Variants in CCDC178 observed in about 807,000 individuals in gnomAD.
The protein encoded by CCDC178 is coiled-coil domain-containing protein 178.
CCDC178 carries 126 observed loss-of-function variants against 117.4 expected under a neutral mutation model. The observed-to-expected ratio is 1.07, with a 90% CI of 0.93 to 1.24. The LOEUF (loss-of-function observed/expected upper bound fraction) is 1.24. Among genes scored for constraint, CCDC178 ranks in the 50% most tolerant of loss-of-function variants. The pLI is 0.00. For synonymous variants in CCDC178, 283 were observed against 313.4 expected, an observed-to-expected ratio of 0.90 and a Z score of 1.02; for missense variants, 1,030 against 986.9, an observed-to-expected ratio of 1.04 and a Z score of -0.59.
intron 21 of CCDC178, among the ~76,000 whole-genome samples, chr18:32,987,220 G>T (rs528841591): frequency 2.0e-4 from 31 of 151,936 alleles, no homozygotes; most frequent in African/African-American, 7.5e-4. Context: ...ATTAGATTTA[G>T]AAAATGATGC....
At chr18:33,334,272 A>G (rs570917538) in intron 9 of CCDC178, among the ~76,000 whole-genome samples, 122 of 152,268 alleles carry the variant, frequency 8.0e-4, no homozygotes, top group African/African-American at 2.8e-3. Flanking sequence ...TAAACCTAAC[A>G]TGAACTGGGT....
chr18:33,372,668 T>C (rs971972442), intron 5 of CCDC178, among the ~76,000 whole-genome samples: 3 of 152,152 alleles, frequency 2.0e-5, no homozygotes, highest in African/African-American at 7.2e-5. Flanking sequence ...AGTTGAGGTT[T>C]GCTGAGACTC....
chr18:33,350,278 T>G (rs1382598964), intron 7 of CCDC178, among the ~76,000 whole-genome samples: 2 of 152,084 alleles, frequency 1.3e-5, no homozygotes, highest in Non-Finnish European at 2.9e-5. Flanking sequence ...TTTTCTATTT[T>G]TTTAATTGAG....
At chr18:33,157,042 A>G (rs928384686) in intron 20 of CCDC178, among the ~76,000 whole-genome samples, 5 of 152,228 alleles carry the variant, frequency 3.3e-5, no homozygotes, top group African/African-American at 9.6e-5. Context: ...AGTGGGTTCA[A>G]TAAATCAATA....
intron 10 of CCDC178, among the ~76,000 whole-genome samples, chr18:33,327,662 T>A (rs2062603309): frequency 6.6e-6 from 1 of 152,304 alleles, no homozygotes; most frequent in African/African-American, 2.4e-5. Context: ...GACTGGTATC[T>A]TATTGTGGTT....
chr18:33,049,306 A>AAT lies in CCDC178; in HGVS notation c.2388+43454_2388+43455insAT, dbSNP rs1192853057. On this transcript the variant is annotated intron_variant, in intron 21 of 22. Coordinates refer to ENST00000383096, the MANE Select transcript of CCDC178 (RefSeq NM_001105528.4). Reference sequence around the variant, plus strand: ...TGTTAATAAATCAGCAATACCCTATAACTCAAGGATAAGTTCTATTTAAAA... The same window carrying AAT: ...TGTTAATAAATCAGCAATACCCTATAATACTCAAGGATAAGTTCTATTTAAAA... 5.9e-5 allele frequency among the ~76,000 whole-genome samples: 9 copies of AAT among 152,278 alleles called. No individual in the cohort carries two copies. The South Asian group carries it at 1.9e-3, about 32-fold the overall frequency.
chr18:33,095,770 GTA>G (rs138104454), intron 20 of CCDC178, among the ~76,000 whole-genome samples: 10 of 149,916 alleles, frequency 6.7e-5, no homozygotes, highest in Non-Finnish European at 8.9e-5. Flanking sequence ...CTTGAGAGGT[GTA>G]TATATATATA....
At chr18:33,193,180 G>A (rs1352323049) in intron 20 of CCDC178, among the ~76,000 whole-genome samples, 2 of 143,846 alleles carry the variant, frequency 1.4e-5, no homozygotes, top group South Asian at 2.2e-4. Flanking sequence ...GGAGAATGGC[G>A]TGAACCCGGG....
chr18:32,959,993 C>G (rs1201843524), intron 22 of CCDC178, among the ~76,000 whole-genome samples: 1 of 151,808 alleles, frequency 6.6e-6, no homozygotes, highest in Non-Finnish European at 1.5e-5. Context: ...ATTTTAAAAT[C>G]AAGGGAAGAA....
intron 3 of CCDC178, among the ~76,000 whole-genome samples, chr18:33,398,263 A>C (rs937588923): frequency 6.6e-6 from 1 of 152,132 alleles, no homozygotes; most frequent in Non-Finnish European, 1.5e-5. Flanking sequence ...AAAAACAGAC[A>C]TATGAAAATA....
intron 12 of CCDC178, among the ~76,000 whole-genome samples, chr18:33,283,889 G>T (rs2060061166): frequency 6.6e-6 from 1 of 151,332 alleles, no homozygotes; most frequent in African/African-American, 2.5e-5. Context: ...ATTCAATCTG[G>T]CAGTCCCATT....
At chr18:33,265,314 C>A (rs907387370) in intron 14 of CCDC178, among the ~76,000 whole-genome samples, 1 of 152,064 alleles carries the variant, frequency 6.6e-6, no homozygotes, top group Non-Finnish European at 1.5e-5. Flanking sequence ...TAGTCATGAT[C>A]TGACCTCATG....
intron 20 of CCDC178, among the ~76,000 whole-genome samples, chr18:33,196,505 C>G (rs1353952148): frequency 1.3e-5 from 2 of 152,086 alleles, no homozygotes; most frequent in African/African-American, 4.8e-5. Flanking sequence ...AGCTTTCTAG[C>G]AAATTATTGA....
Position 33,043,654 on chromosome 18 carries a change from T to C in CCDC178, c.2388+49107A>G, listed in dbSNP as rs78772045. On this transcript the variant is annotated intron_variant, in intron 21 of 22. Transcript: ENST00000383096. ...TTGTATAAATTAAGTTTTCAGGGTATAATTCAAGTATCAAATGCTCCAAGA... is the reference window on the plus strand; with the variant it reads ...TTGTATAAATTAAGTTTTCAGGGTACAATTCAAGTATCAAATGCTCCAAGA... Among the ~76,000 whole-genome samples the C allele has an allele frequency of 6.8e-4, 104 of 152,180 alleles. 2 individuals carry two copies. In the East Asian group the frequency reaches 0.018, roughly 27 times the overall value.
At chr18:33,422,003 C>A (rs370421776) in intron 2 of CCDC178, among the ~76,000 whole-genome samples, 1 of 152,182 alleles carries the variant, frequency 6.6e-6, no homozygotes, top group Non-Finnish European at 1.5e-5. Flanking sequence ...TCCCAAAACC[C>A]ACAAAGCAAA....
intron 4 of CCDC178, among the ~76,000 whole-genome samples, chr18:33,395,612 A>G (rs1160327654): frequency 6.6e-6 from 1 of 152,064 alleles, no homozygotes; most frequent in African/African-American, 2.4e-5. Flanking sequence ...CACTCTACCG[A>G]AGCCTCTATG....
chr18:32,959,227 G>A (rs2054655312), intron 22 of CCDC178, among the ~76,000 whole-genome samples: 1 of 152,136 alleles, frequency 6.6e-6, no homozygotes, highest in Non-Finnish European at 1.5e-5. Context: ...GAGTTTTCAA[G>A]TCAAGGTTTG....
At chr18:33,044,583 TA>T (rs941056027) in intron 21 of CCDC178, among the ~76,000 whole-genome samples, 17 of 151,982 alleles carry the variant, frequency 1.1e-4, no homozygotes, top group African/African-American at 4.1e-4. Context: ...GGTGGGAATG[TA>T]AACTAATACA....
chr18:33,328,024 A>G (rs1400795365), intron 10 of CCDC178: 7 of 367,100 alleles, frequency 1.9e-5, no homozygotes, highest in South Asian at 1.2e-4. Flanking sequence ...CTATTTTTCT[A>G]TCAGTGTCAT....
Sources: gnomAD v4.1 joint callset for allele counts (sites outside exome capture counted in the v4.1 genomes callset) on GRCh38, gnomAD v4.1.1 for gene constraint, MANE v1.5 for transcripts, NCBI Gene and HGNC (gene_info 2026-07-23, HGNC 2026-07-21) for gene names.